Variants in CASP10 observed in about 807,000 individuals in gnomAD.
CASP10 encodes the protein caspase 10.
Under a neutral mutation model 48.5 loss-of-function variants are expected in CASP10, and 41 were observed. That is an observed-to-expected ratio of 0.85 (90% CI 0.66 to 1.10). CASP10 has a LOEUF of 1.10. Ranked by LOEUF, CASP10 falls within the 50% of genes least tolerant of loss-of-function variation. The pLI is 0.00. For missense variants in CASP10, 614 were observed against 614.5 expected (o/e 1.00, Z 0.01); for synonymous variants, 232 against 238.4 (o/e 0.97, Z 0.25).
At chr2:201,207,656 C>T (rs1945250986) in intron 7 of CASP10, among the ~76,000 whole-genome samples, 1 of 151,926 alleles carries the variant, frequency 6.6e-6, no homozygotes, top group Admixed American at 6.6e-5. Flanking sequence ...ACTCGGGAGG[C>T]TGAGGCAGAA....
intron 9 of CASP10, among the ~76,000 whole-genome samples, chr2:201,211,356 T>C (rs1244627940): frequency 2.6e-5 from 4 of 152,218 alleles, no homozygotes; most frequent in Admixed American, 2.6e-4. Context: ...TAATTGTAAC[T>C]TTGTACCCAT....
chr2:201,205,297 T>A (rs1002493823), intron 6 of CASP10, among the ~76,000 whole-genome samples: 11 of 151,098 alleles, frequency 7.3e-5, no homozygotes, highest in African/African-American at 2.7e-4. Context: ...TAATCACAGC[T>A]CACTGCAGCC....
intron 5 of CASP10, 60 bp from the exon 6 acceptor site, chr2:201,203,670 G>T: frequency 4.8e-6 from 7 of 1,447,616 alleles, no homozygotes; most frequent in South Asian, 1.1e-5. Context: ...TCTAGTTTTT[G>T]TTCCTCATCC....
chr2:201,223,903 T>C (rs900684746), downstream of CASP10, among the ~76,000 whole-genome samples: 1 of 152,064 alleles, frequency 6.6e-6, no homozygotes, highest in African/African-American at 2.4e-5. Context: ...GCTCAACTGA[T>C]CCTCCCACCT....
At chr2:201,202,938 TTTTA>T (rs1235381649) in intron 5 of CASP10, among the ~76,000 whole-genome samples, 4 of 152,204 alleles carry the variant, frequency 2.6e-5, no homozygotes, top group Admixed American at 6.5e-5. Flanking sequence ...CGATTGCCAT[TTTTA>T]TTTGTTTTTT....
At chr2:201,207,200 A>G (rs1456772048) in intron 7 of CASP10, among the ~76,000 whole-genome samples, 1 of 152,224 alleles carries the variant, frequency 6.6e-6, no homozygotes, top group Non-Finnish European at 1.5e-5. Flanking sequence ...AATCTTTGAA[A>G]TTTTATTCAG....
chr2:201,187,645 T>G, intron 2 of CASP10, 61 bp from the exon 3 acceptor site: 2 of 1,153,106 alleles, frequency 1.7e-6, no homozygotes, highest in Non-Finnish European at 1.3e-6. Flanking sequence ...AAGCACTTGA[T>G]TGATTATGGT....
At chr2:201,212,877 G>A (rs748225760) in intron 9 of CASP10, 4 of 152,140 alleles carry the variant, frequency 2.6e-5, no homozygotes, top group Admixed American at 6.6e-5. Context: ...TTTAGGGTTT[G>A]GATTGTTATT....
chr2:201,212,709 T>C (rs1206158688), intron 9 of CASP10: 1 of 152,210 alleles, frequency 6.6e-6, no homozygotes, highest in Non-Finnish European at 1.5e-5. Context: ...AGAATTAATA[T>C]TGTGGTGAGG....
At chr2:201,199,469 A>G (rs539087401) in intron 5 of CASP10, among the ~76,000 whole-genome samples, 99 of 152,196 alleles carry the variant, frequency 6.5e-4, no homozygotes, top group Non-Finnish European at 1.2e-3. Context: ...TGGGCAACAT[A>G]GTGAGACCCT....
chr2:201,202,585 C>G (rs1945057595), intron 5 of CASP10, among the ~76,000 whole-genome samples: 1 of 152,170 alleles, frequency 6.6e-6, no homozygotes, highest in South Asian at 2.1e-4. Flanking sequence ...TCTGGCCAGG[C>G]CCTTGTCTGC....
Position 201,217,878 on chromosome 2 carries a change from T to G in CASP10, c.*137T>G. 1 of 1,573,848 alleles carries G rather than the reference T, an allele frequency of 6.4e-7. No homozygotes were observed. The highest frequency in any genetic ancestry group is 8.6e-7 in the Non-Finnish European group (1 of 1,163,974). On this transcript the variant is annotated 3_prime_UTR_variant, in exon 10 of 10. Coordinates refer to ENST00000286186, the MANE Select transcript of CASP10 (RefSeq NM_032977.4). ...ACACCGTGTTTTCTGACACAGTCAA[T>G]TCTGATTTTCTTTTTCTTTTGCAAG... is the stretch of plus-strand genomic sequence containing the variant.
Position 201,217,632 on chromosome 2 carries a change from T to G in CASP10, c.1460T>G (p.Val487Gly), listed in dbSNP as rs1559314420. The G allele has an allele frequency of 2.5e-6, 4 of 1,614,150 alleles. No individual in the cohort carries two copies. Among genetic ancestry groups the G allele is most frequent in the Middle Eastern group, 3.3e-4 (2 of 6,062 alleles). Residue 487 changes from valine (V) to glycine (G), a missense_variant, in exon 10 of 10, where the codon GTG becomes GGG. Transcript: ENST00000286186. The stretch of plus-strand genomic sequence containing the variant: ...ATCCTCACTGCTGTCAACGATGATG[T>G]GAGTCGAAGAGTGGACAAACAGGGA... The part of the protein sequence containing the change: ...LSILTAVNDD[V>G]SRRVDKQGTK...
At position 201,205,900 on chromosome 2, in the gene CASP10, G is replaced by T. The variant is rs950969664; in HGVS notation, c.740G>T (p.Gly247Val). ...AGSNGNRATN[G>V]APSLVSRGMQ... Reference sequence around the variant, plus strand: ...TTTCTAGGTAACAGAGCCACAAATGGTGCACCAAGCCTGGTCTCCAGGGGG... The same window carrying T: ...TTTCTAGGTAACAGAGCCACAAATGTTGCACCAAGCCTGGTCTCCAGGGGG... Residue 247 changes from glycine to valine, a missense_variant, in exon 7 of 10, where the codon GGT (glycine) becomes GTT (valine). Physicochemically the swap from Gly to Val is moderately radical, Grantham distance 109 (BLOSUM62 -3). Coordinates refer to ENST00000286186, the MANE Select transcript of CASP10 (RefSeq NM_032977.4). 10 of 1,611,070 alleles carry T rather than the reference G, an allele frequency of 6.2e-6. No homozygotes were observed. The highest frequency in any genetic ancestry group is 3.3e-5 in the Admixed American group (2 of 59,988).
At chr2:201,191,054 G>A (rs968715939) in intron 3 of CASP10, among the ~76,000 whole-genome samples, 3 of 151,828 alleles carry the variant, frequency 2.0e-5, no homozygotes, top group Admixed American at 6.6e-5. Context: ...TAGAGGTGGG[G>A]TTTCACCATG....
chr2:201,196,826 T>C (rs1559300050), intron 5 of CASP10, among the ~76,000 whole-genome samples: 1 of 152,186 alleles, frequency 6.6e-6, no homozygotes, highest in Non-Finnish European at 1.5e-5. Flanking sequence ...CATTAAACAA[T>C]AACTTCTCAT....
chr2:201,208,577 C>G (rs940121804), intron 8 of CASP10: 4 of 153,014 alleles, frequency 2.6e-5, no homozygotes, highest in African/African-American at 9.6e-5. Context: ...CTGGGTATTA[C>G]GTGATAGGAG....
intron 2 of CASP10, among the ~76,000 whole-genome samples, chr2:201,186,914 C>G (rs1944434534): frequency 6.6e-6 from 1 of 152,124 alleles, no homozygotes. Flanking sequence ...TCTGGAACTC[C>G]TAGCCTCAAG....
In CASP10 at chr2:201,220,300, G is replaced by T; in HGVS notation, c.*2559G>T. The T allele has an allele frequency of 4.7e-6, 1 of 213,432 alleles. No homozygotes were observed. The highest frequency in any genetic ancestry group is 7.8e-6 in the Non-Finnish European group (1 of 128,672). 13.2% of individuals were successfully genotyped at this position (213,432 alleles called of 1,614,324 possible). On this transcript the variant is annotated 3_prime_UTR_variant, in exon 10 of 10. Transcript: ENST00000286186. ...CAGAAAGAGAAGAGAGTAAAATACA[G>T]ATAAGACAGCTCTGGCATAGAGGGA... is the stretch of plus-strand genomic sequence containing the variant.
Sources: gnomAD v4.1 joint callset for allele counts (sites outside exome capture counted in the v4.1 genomes callset) on GRCh38, gnomAD v4.1.1 for gene constraint, MANE v1.5 for transcripts, NCBI Gene and HGNC (gene_info 2026-07-23, HGNC 2026-07-21) for gene names.